C6: variants seen among roughly 807,000 people sequenced by gnomAD.
The protein encoded by C6 is complement component C6.
C6 carries 101 observed loss-of-function variants against 112.9 expected under a neutral mutation model. The observed-to-expected ratio is 0.89, with a 90% CI of 0.76 to 1.06. The LOEUF (loss-of-function observed/expected upper bound fraction) is 1.06, where lower values mean the gene tolerates loss of function less well. Ranked by LOEUF, C6 falls within the 50% of genes least tolerant of loss-of-function variation. The probability of loss-of-function intolerance (pLI) is 0.00; values close to 1 mark genes in which losing one functional copy is unlikely to be tolerated. For synonymous variants in C6, 431 were observed against 384.1 expected (o/e 1.12, Z -1.43); for missense variants, 1,202 against 1,104.6 (o/e 1.09, Z -1.25).
intron 1 of C6, among the ~76,000 whole-genome samples, chr5:41,219,479 A>G (rs1739033279): frequency 6.6e-6 from 1 of 152,122 alleles, no homozygotes; most frequent in Admixed American, 6.6e-5. Flanking sequence ...ATGAAGGGAC[A>G]TGTGAAGTCC....
At chr5:41,233,918 A>G (rs755101532) in intron 1 of C6, among the ~76,000 whole-genome samples, 4 of 152,104 alleles carry the variant, frequency 2.6e-5, no homozygotes, top group African/African-American at 7.2e-5. Flanking sequence ...TAATAAATAT[A>G]TGACAGCATT....
chr5:41,200,384 G>A (rs1048812881), intron 3 of C6, among the ~76,000 whole-genome samples: 3 of 152,152 alleles, frequency 2.0e-5, no homozygotes, highest in East Asian at 1.9e-4. Flanking sequence ...TTTAAATGGC[G>A]AGTAGTAAAA....
intron 1 of C6, among the ~76,000 whole-genome samples, chr5:41,226,141 A>G (rs1739481806): frequency 6.6e-6 from 1 of 152,214 alleles, no homozygotes; most frequent in South Asian, 2.1e-4. Context: ...ACAGCAAAAG[A>G]AACCATCATC....
rs554777536 is a variant in C6 at position 41,155,220 on chromosome 5, C to T, written c.1969-116G>A. On this transcript the variant is annotated intron_variant, in intron 13 of 17. Coordinates refer to ENST00000337836, the MANE Select transcript of C6 (RefSeq NM_000065.5). ...TTCTGGATCTACTCAGTCACCAAGT[C>T]CTCTCAATTTCTACTTCTAAAAACC... 3.8e-5 allele frequency: 35 copies of T among 929,100 alleles called. 1 individual carries two copies. In the South Asian group the frequency reaches 4.1e-4, roughly 11 times the overall value. The allele number at this position is 929,100 out of a possible 1,614,324, so 57.6% of individuals were successfully genotyped here.
intron 13 of C6, among the ~76,000 whole-genome samples, chr5:41,156,381 T>A (rs1305896699): frequency 6.6e-6 from 1 of 152,194 alleles, no homozygotes; most frequent in Non-Finnish European, 1.5e-5. Flanking sequence ...TTATAGTGTT[T>A]ATCACGTTTA....
chr5:41,149,498 A>T lies in C6; in HGVS notation c.2382-16T>A. On this transcript the variant is annotated splice_polypyrimidine_tract_variant and intron_variant, in intron 16 of 17. Coordinates refer to ENST00000337836, the MANE Select transcript of C6 (RefSeq NM_000065.5). ...TGAATGATGGCTGCCCAAGAGAGGAAAGCAAGCATTTCTATATGAAGATCA... is the reference window on the plus strand; with the variant it reads ...TGAATGATGGCTGCCCAAGAGAGGATAGCAAGCATTTCTATATGAAGATCA... 1 of 1,613,676 alleles carries T rather than the reference A, an allele frequency of 6.2e-7. No homozygotes were observed. Among genetic ancestry groups the T allele is most frequent in the Non-Finnish European group, 8.5e-7 (1 of 1,179,918 alleles).
intron 5 of C6, among the ~76,000 whole-genome samples, chr5:41,189,577 A>T (rs1750042081): frequency 6.6e-6 from 1 of 152,056 alleles, no homozygotes; most frequent in South Asian, 2.1e-4. Context: ...ATAGTAATAA[A>T]ATCAGGGTAA....
At chr5:41,226,601 C>A (rs1739518659) in intron 1 of C6, among the ~76,000 whole-genome samples, 1 of 152,142 alleles carries the variant, frequency 6.6e-6, no homozygotes, top group African/African-American at 2.4e-5. Flanking sequence ...AACATCTCCC[C>A]CATTCCTATC....
At chr5:41,253,831 T>C (rs1453970086) in intron 1 of C6, among the ~76,000 whole-genome samples, 1 of 152,226 alleles carries the variant, frequency 6.6e-6, no homozygotes, top group Non-Finnish European at 1.5e-5. Flanking sequence ...AAATTGATAG[T>C]GCTTCCTAAA....
Position 41,226,243 on chromosome 5 carries a change from A to C in C6, c.-20-22993T>G, listed in dbSNP as rs190851603. On this transcript the variant is annotated intron_variant, in intron 1 of 17. Transcript: ENST00000263413. ...ATAACCAGAATCTACAATGAACTCA[A>C]ACAAATTTACAAGACAAAAACAAAC... 9.1e-3 allele frequency among the ~76,000 whole-genome samples: 1,385 copies of C among 152,304 alleles called. 16 individuals are homozygous for C. Among genetic ancestry groups the C allele is most frequent in the African/African-American group, 0.031 (1,287 of 41,570 alleles).
chr5:41,234,862 A>T (rs1740155856), intron 1 of C6, among the ~76,000 whole-genome samples: 1 of 152,148 alleles, frequency 6.6e-6, no homozygotes, highest in African/African-American at 2.4e-5. Context: ...TCAGAATACA[A>T]GGTAGATAAT....
chr5:41,197,655 C>T (rs1040444086), intron 4 of C6, among the ~76,000 whole-genome samples: 2 of 152,006 alleles, frequency 1.3e-5, no homozygotes, highest in African/African-American at 4.8e-5. Context: ...GAAATTCTAT[C>T]CATTTAGTAC....
At position 41,201,672 on chromosome 5, in the gene C6, T is replaced by A. The variant is rs200359838; in HGVS notation, c.186A>T (p.Glu62Asp). 4 of 1,613,704 alleles carry A rather than the reference T, an allele frequency of 2.5e-6. No homozygotes were observed. Among genetic ancestry groups the A allele is most frequent in the Middle Eastern group, 1.6e-4 (1 of 6,062 alleles). ...TAGTCTCCTGCTTGCTGCAAATCTGTTCACAAAAGTTTTCCTGGTAGTACT... is the reference window on the plus strand; with the variant it reads ...TAGTCTCCTGCTTGCTGCAAATCTGATCACAAAAGTTTTCCTGGTAGTACT... ...VDKYYQENFC[E>D]QICSKQETRE... The change falls in exon 3 of 18, where the codon GAA becomes GAT. Residue 62 changes from glutamate (E) to aspartate (D), a missense_variant. Glu to Asp is a conservative substitution (Grantham distance 45, BLOSUM62 2). Coordinates refer to ENST00000337836, the MANE Select transcript of C6 (RefSeq NM_000065.5).
intron 5 of C6, among the ~76,000 whole-genome samples, chr5:41,190,038 G>A (rs7723986): frequency 6.6e-6 from 1 of 151,862 alleles, no homozygotes; most frequent in Admixed American, 6.6e-5. Context: ...GATTCCATAT[G>A]TTGGTTATTG....
At chr5:41,156,859 G>A (rs1746960580) in intron 13 of C6, among the ~76,000 whole-genome samples, 1 of 151,998 alleles carries the variant, frequency 6.6e-6, no homozygotes, top group Non-Finnish European at 1.5e-5. Context: ...TGTTTCTTAT[G>A]AATCTGTAAC....
chr5:41,145,848 A>G (rs1745770929), intron 17 of C6, among the ~76,000 whole-genome samples: 1 of 152,196 alleles, frequency 6.6e-6, no homozygotes, highest in African/African-American at 2.4e-5. Flanking sequence ...TGGAAGGGCC[A>G]TGGTCACTAC....
chr5:41,152,128 A>T (rs1393240627), intron 15 of C6, among the ~76,000 whole-genome samples: 1 of 152,202 alleles, frequency 6.6e-6, no homozygotes, highest in Non-Finnish European at 1.5e-5. Flanking sequence ...ATTTATAATA[A>T]AGGGCTGAGA....
In C6 at chr5:41,148,523, C is replaced by A. The variant is rs949529766; in HGVS notation, c.2623+718G>T. On this transcript the variant is annotated intron_variant, in intron 17 of 17. Coordinates refer to ENST00000337836, the MANE Select transcript of C6 (RefSeq NM_000065.5). ...ATCATACTGGCTTTCTAATTTCAAG[C>A]AATCTTGAGCAAGAATGCCCTGCTG... Among the ~76,000 whole-genome samples, 8 of 152,188 alleles carry A rather than the reference C, an allele frequency of 5.3e-5. No individual in the cohort carries two copies. The East Asian group carries it at 7.7e-4, about 15-fold the overall frequency.
intron 13 of C6, among the ~76,000 whole-genome samples, chr5:41,156,327 A>C (rs1172072514): frequency 6.6e-6 from 1 of 152,152 alleles, no homozygotes; most frequent in Non-Finnish European, 1.5e-5. Flanking sequence ...CTTGAGGTAC[A>C]ACGTCCTTTC....
Sources: allele counts gnomAD v4.1 joint callset (sites outside exome capture counted in the v4.1 genomes callset), GRCh38; gene constraint gnomAD v4.1.1; transcripts MANE v1.5; gene names NCBI Gene and HGNC (gene_info 2026-07-23, HGNC 2026-07-21).